Variants in FERRY3 observed in about 807,000 individuals in gnomAD.
FERRY3 encodes the protein FERRY endosomal RAB5 effector complex subunit 3.
the FERRY3 span, among the ~76,000 whole-genome samples, chr12:4,514,542 A>G: frequency 6.6e-6 from 1 of 152,074 alleles, no homozygotes; most frequent in African/African-American, 2.4e-5. Flanking sequence ...TGGCACATAT[A>G]CACCATGGAA....
At chr12:4,496,140 G>A in the FERRY3 span, among the ~76,000 whole-genome samples, 4 of 152,144 alleles carry the variant, frequency 2.6e-5, no homozygotes, top group South Asian at 2.1e-4. Context: ...AGACTCCACC[G>A]TTAGCTTAAG....
the FERRY3 span, among the ~76,000 whole-genome samples, chr12:4,508,422 G>A: frequency 6.6e-6 from 1 of 152,226 alleles, no homozygotes; most frequent in African/African-American, 2.4e-5. Context: ...TTTATTTCCT[G>A]GGCACCAATA....
At chr12:4,492,271 T>A in the FERRY3 span, among the ~76,000 whole-genome samples, 1 of 152,156 alleles carries the variant, frequency 6.6e-6, no homozygotes, top group Non-Finnish European at 1.5e-5. Context: ...TTTCTGCAAA[T>A]CTCATTAAGG....
At chr12:4,525,435 A>G in the FERRY3 span, 3 of 1,601,204 alleles carry the variant, frequency 1.9e-6, no homozygotes, top group Non-Finnish European at 2.6e-6. Context: ...AAACAAAAAA[A>G]CAAAAGAAAA....
the FERRY3 span, chr12:4,500,417 G>C: frequency 7.8e-7 from 1 of 1,288,896 alleles, no homozygotes; most frequent in Admixed American, 1.8e-5. Context: ...ATAAGTAAGT[G>C]TAATGGGCAA....
chr12:4,528,200 A>T, the FERRY3 span, among the ~76,000 whole-genome samples: 1 of 152,126 alleles, frequency 6.6e-6, no homozygotes, highest in African/African-American at 2.4e-5. Context: ...AGTCACAGAA[A>T]ACCTGACGGC....
chr12:4,504,191 T>A, the FERRY3 span, among the ~76,000 whole-genome samples: 1 of 152,218 alleles, frequency 6.6e-6, no homozygotes, highest in East Asian at 1.9e-4. Flanking sequence ...AGGTTAAATG[T>A]AATGTGTTCC....
chr12:4,491,384 T>C, the FERRY3 span: 1 of 614,582 alleles, frequency 1.6e-6, no homozygotes, highest in Non-Finnish European at 2.8e-6. Flanking sequence ...CTCTAGTTTT[T>C]AGGCATGCAG....
At chr12:4,503,812 TAGGCTTTTTCCAAAA>T in the FERRY3 span, among the ~76,000 whole-genome samples, 2 of 152,136 alleles carry the variant, frequency 1.3e-5, no homozygotes, top group African/African-American at 4.8e-5. Context: ...AAACAACCTA[TAGGCTTTTTCCAAAA>T]AAGACTAAGG....
chr12:4,498,487 G>A, the FERRY3 span, among the ~76,000 whole-genome samples: 1 of 152,200 alleles, frequency 6.6e-6, no homozygotes, highest in Non-Finnish European at 1.5e-5. Context: ...GGCTACAGAA[G>A]TGAATGGAAT....
the FERRY3 span, among the ~76,000 whole-genome samples, chr12:4,536,458 TA>T: frequency 6.7e-6 from 1 of 150,252 alleles, no homozygotes; most frequent in African/African-American, 2.4e-5. Context: ...ATTATGGCCA[TA>T]AAGTACTTTA....
chr12:4,518,286 C>T, the FERRY3 span: 3 of 1,593,270 alleles, frequency 1.9e-6, no homozygotes, highest in South Asian at 3.3e-5. Context: ...AGGAAAGATA[C>T]TTAAGCAGCT....
the FERRY3 span, among the ~76,000 whole-genome samples, chr12:4,523,126 G>A: frequency 6.6e-6 from 1 of 152,044 alleles, no homozygotes; most frequent in African/African-American, 2.4e-5. Flanking sequence ...GAAAAATAAA[G>A]CAAAAATAAA....
the FERRY3 span, among the ~76,000 whole-genome samples, chr12:4,531,724 T>C: frequency 6.6e-6 from 1 of 152,218 alleles, no homozygotes; most frequent in African/African-American, 2.4e-5. Flanking sequence ...ACCCCTTATC[T>C]TTCATGGCCA....
the FERRY3 span, chr12:4,517,178 CTG>C: frequency 2.6e-6 from 4 of 1,546,486 alleles, no homozygotes; most frequent in Non-Finnish European, 3.5e-6. Flanking sequence ...TCTTGGCAAA[CTG>C]TGGCAAAATC....
At chr12:4,496,484 T>C in the FERRY3 span, among the ~76,000 whole-genome samples, 2 of 152,166 alleles carry the variant, frequency 1.3e-5, no homozygotes, top group Admixed American at 6.5e-5. Flanking sequence ...GAATGCACTG[T>C]TAGAGAAATC....
chr12:4,534,141 T>C, the FERRY3 span: 2 of 1,539,038 alleles, frequency 1.3e-6, no homozygotes, highest in East Asian at 2.4e-5. Flanking sequence ...ATTTACAATC[T>C]GACCTATTTT....
chr12:4,515,658 G>A, the FERRY3 span, among the ~76,000 whole-genome samples: 436 of 152,142 alleles, frequency 2.9e-3, 3 homozygotes, highest in South Asian at 5.2e-3. Flanking sequence ...GGGGCGGGGG[G>A]AAATGGGGAG....
chr12:4,510,770 G>A, the FERRY3 span, among the ~76,000 whole-genome samples: 238 of 139,956 alleles, frequency 1.7e-3, 1 homozygote, highest in Non-Finnish European at 2.5e-3. Flanking sequence ...AGGAACAACC[G>A]GTACCAGCCG....
Sources: gnomAD v4.1 joint callset for allele counts (sites outside exome capture counted in the v4.1 genomes callset) on GRCh38, gnomAD v4.1.1 for gene constraint, MANE v1.5 for transcripts, NCBI Gene and HGNC (gene_info 2026-07-23, HGNC 2026-07-21) for gene names.